SNX7: variants seen among roughly 807,000 people sequenced by gnomAD.
SNX7 encodes sorting nexin-7.
A neutral mutation model predicts 48.4 loss-of-function variants in SNX7; 35 were observed. The observed-to-expected ratio is 0.72, with a 90% confidence interval of 0.55 to 0.96. The LOEUF is 0.96. Among genes scored for constraint, SNX7 ranks in the 40% least tolerant of loss-of-function variants. SNX7 has a pLI of 0.00. For synonymous variants in SNX7, 190 were observed against 190.2 expected (o/e 1.00, Z 0.01); for missense variants, 553 against 548.9 (o/e 1.01, Z -0.07).
intron 8 of SNX7, among the ~76,000 whole-genome samples, chr1:98,739,431 T>G (rs1653961134): frequency 6.6e-6 from 1 of 152,190 alleles, no homozygotes; most frequent in South Asian, 2.1e-4. Context: ...GATATTGATG[T>G]TTTTATTCAC....
At chr1:98,747,917 G>T (rs566300930) in intron 8 of SNX7, among the ~76,000 whole-genome samples, 1 of 149,224 alleles carries the variant, frequency 6.7e-6, no homozygotes, top group African/African-American at 2.5e-5. Flanking sequence ...TTTCCATCTA[G>T]TTTTGAACCT....
At position 98,756,734 on chromosome 1, in the gene SNX7, C is replaced by T. The variant is rs956982458; in HGVS notation, c.1279-3320C>T. 7.2e-5 allele frequency among the ~76,000 whole-genome samples: 11 copies of T among 152,056 alleles called. No homozygotes were observed. The South Asian group carries it at 2.3e-3, about 32-fold the overall frequency. ...TCTATGAACTCTAGCTGCATTTTCT[C>T]GAACTCTTAGCTCTATCCTTTTAAC... On this transcript the variant is annotated intron_variant, in intron 8 of 8. Transcript: ENST00000306121.
At chr1:98,674,778 G>T (rs1650066725) in intron 1 of SNX7, among the ~76,000 whole-genome samples, 1 of 152,106 alleles carries the variant, frequency 6.6e-6, no homozygotes. Context: ...TTATTTAAGT[G>T]GTTTTTCTGA....
chr1:98,695,846 T>G, intron 5 of SNX7, 130 bp downstream of exon 5: 1 of 696,164 alleles, frequency 1.4e-6, no homozygotes, highest in Non-Finnish European at 2.5e-6. Flanking sequence ...CTAGCCATCT[T>G]ATGGACATTT....
rs140950097 is a variant in SNX7, at chr1:98,695,534, A to G, written c.656A>G (p.Lys219Arg). The G allele has an allele frequency of 6.2e-6, 10 of 1,613,830 alleles. No homozygotes were observed. The highest frequency in any genetic ancestry group is 8.5e-6 in the Non-Finnish European group (10 of 1,179,928). ...TAQAWELSSH[K>R]KQGPGLLSRM... Reference sequence around the variant, plus strand: ...TGTTTCTAGGAACTCTCTTCTCACAAGAAGCAAGGTCCTGGCTTGCTAAGC... The same window carrying G: ...TGTTTCTAGGAACTCTCTTCTCACAGGAAGCAAGGTCCTGGCTTGCTAAGC... Residue 219 changes from lysine (K) to arginine (R), a missense_variant, in exon 5 of 9, where the codon AAG (lysine) becomes AGG (arginine). Coordinates refer to ENST00000306121, the MANE Select transcript of SNX7 (RefSeq NM_015976.5).
chr1:98,684,548 C>A (rs1650680777), intron 1 of SNX7, among the ~76,000 whole-genome samples: 1 of 152,148 alleles, frequency 6.6e-6, no homozygotes, highest in South Asian at 2.1e-4. Flanking sequence ...AGGGCTCTAC[C>A]CTTATGACTT....
intron 8 of SNX7, among the ~76,000 whole-genome samples, chr1:98,757,382 C>T (rs1238031587): frequency 1.3e-5 from 2 of 151,938 alleles, no homozygotes; most frequent in East Asian, 1.9e-4. Flanking sequence ...AGGCCCCTCT[C>T]CTTGGCTTGC....
chr1:98,676,124 C>A (rs948972174), intron 1 of SNX7, among the ~76,000 whole-genome samples: 1 of 151,904 alleles, frequency 6.6e-6, no homozygotes, highest in Non-Finnish European at 1.5e-5. Context: ...TCTCTCCCTC[C>A]CTGCCCATCC....
At chr1:98,695,980 TG>T (rs1651434608) in intron 5 of SNX7, among the ~76,000 whole-genome samples, 1 of 152,152 alleles carries the variant, frequency 6.6e-6, no homozygotes, top group Admixed American at 6.5e-5. Flanking sequence ...TTAAAGATTG[TG>T]GATGTGGTTG....
intron 7 of SNX7, among the ~76,000 whole-genome samples, chr1:98,712,205 G>T (rs534722209): frequency 9.9e-5 from 15 of 151,874 alleles, no homozygotes; most frequent in Non-Finnish European, 1.9e-4. Context: ...TTAATATTTT[G>T]GTCTGTTCCC....
chr1:98,750,177 ATATAAT>A (rs1348991427), intron 8 of SNX7, among the ~76,000 whole-genome samples: 1 of 151,966 alleles, frequency 6.6e-6, no homozygotes, highest in East Asian at 1.9e-4. Context: ...CCACAGAAAT[ATATAAT>A]TATATTTTAT....
In SNX7 at chr1:98,760,278, C is replaced by G; in HGVS notation, c.*147C>G. 1 of 624,820 alleles carries G rather than the reference C, an allele frequency of 1.6e-6. No homozygotes were observed. Among genetic ancestry groups the G allele is most frequent in the Non-Finnish European group, 2.9e-6 (1 of 349,234 alleles). 38.7% of individuals were successfully genotyped at this position (624,820 alleles called of 1,614,324 possible). A position where few individuals can be genotyped will look rare whatever the true frequency, so the allele number is the denominator to read the frequency against. On this transcript the variant is annotated 3_prime_UTR_variant, in exon 9 of 9. Coordinates refer to ENST00000306121, the MANE Select transcript of SNX7 (RefSeq NM_015976.5). ...CAACAACTTGAAATCTCAGGTATTC[C>G]AGGTCACTGACATGAATTTGAAGAT... is the stretch of plus-strand genomic sequence containing the variant.
chr1:98,748,448 G>A (rs1654415470), intron 8 of SNX7, among the ~76,000 whole-genome samples: 5 of 151,972 alleles, frequency 3.3e-5, no homozygotes, highest in Admixed American at 2.6e-4. Context: ...CATCCTTTGG[G>A]CTACATAAGT....
chr1:98,716,050 C>T (rs555923785), intron 7 of SNX7, among the ~76,000 whole-genome samples: 6 of 152,030 alleles, frequency 3.9e-5, no homozygotes, highest in East Asian at 3.9e-4. Flanking sequence ...TTTTATTTTC[C>T]GTATTTGTAG....
In SNX7 at chr1:98,722,678, TAAA is replaced by T. The variant is rs199542965; in HGVS notation, c.1126-15556_1126-15554del. 8.5e-5 allele frequency among the ~76,000 whole-genome samples: 13 copies of T among 152,212 alleles called. No homozygotes were observed. In the East Asian group the frequency reaches 2.3e-3, roughly 27 times the overall value. ...AAAAGGAAATAATAGATAAGCCATT[TAAA>T]AAGGAAAACAATGATGATATTTTTA... On this transcript the variant is annotated intron_variant, in intron 7 of 8. Coordinates refer to ENST00000306121, the MANE Select transcript of SNX7 (RefSeq NM_015976.5).
At chr1:98,751,671 A>G (rs762166990) in intron 8 of SNX7, among the ~76,000 whole-genome samples, 2 of 152,128 alleles carry the variant, frequency 1.3e-5, no homozygotes, top group African/African-American at 2.4e-5. Flanking sequence ...ATATTTATCA[A>G]CTTAATTTTT....
At chr1:98,713,094 GAA>G (rs56653679) in intron 7 of SNX7, among the ~76,000 whole-genome samples, 5 of 129,856 alleles carry the variant, frequency 3.9e-5, no homozygotes, top group Admixed American at 7.9e-5. Flanking sequence ...TCTGTCTCAG[GAA>G]AAAAAAAAAA....
intron 7 of SNX7, among the ~76,000 whole-genome samples, chr1:98,736,472 C>T (rs1653786924): frequency 6.6e-6 from 1 of 152,090 alleles, no homozygotes; most frequent in African/African-American, 2.4e-5. Flanking sequence ...TTCCAAACAC[C>T]CACAGCCTAT....
At chr1:98,741,446 G>A (rs376917350) in intron 8 of SNX7, among the ~76,000 whole-genome samples, 68 of 152,260 alleles carry the variant, frequency 4.5e-4, no homozygotes, top group African/African-American at 1.6e-3. Context: ...GTACTTAGAT[G>A]TATGAATTTA....
Sources: allele counts gnomAD v4.1 joint callset (sites outside exome capture counted in the v4.1 genomes callset), GRCh38; gene constraint gnomAD v4.1.1; transcripts MANE v1.5; gene names NCBI Gene and HGNC (gene_info 2026-07-23, HGNC 2026-07-21).